TSPAN11: variants seen among roughly 807,000 people sequenced by gnomAD.
TSPAN11 encodes tetraspanin-11.
Under a neutral mutation model 32.9 loss-of-function variants are expected in TSPAN11, and 29 were observed. That is an observed-to-expected ratio of 0.88 (90% CI 0.66 to 1.20). TSPAN11 has a LOEUF of 1.20. TSPAN11 is among the 50% of genes most tolerant of loss of function. The pLI, the probability that TSPAN11 is intolerant of heterozygous loss-of-function variation, is 0.00. For synonymous variants in TSPAN11, 140 were observed against 141.3 expected (o/e 0.99, Z 0.07); for missense variants, 283 against 329.1 (o/e 0.86, Z 1.08).
intron 3 of TSPAN11, among the ~76,000 whole-genome samples, chr12:30,968,515 A>C (rs1938784083): frequency 6.6e-6 from 1 of 152,192 alleles, no homozygotes; most frequent in South Asian, 2.1e-4. Flanking sequence ...AATTATTCAC[A>C]CCAGATCTTT....
chr12:30,971,249 T>G (rs1169848590), intron 3 of TSPAN11, among the ~76,000 whole-genome samples: 10 of 152,240 alleles, frequency 6.6e-5, no homozygotes, highest in African/African-American at 2.4e-4. Flanking sequence ...AGAGGAATGC[T>G]TCAGTGAAGC....
chr12:30,990,353 A>C (rs1939287810), intron 7 of TSPAN11, among the ~76,000 whole-genome samples: 1 of 152,076 alleles, frequency 6.6e-6, no homozygotes, highest in South Asian at 2.1e-4. Flanking sequence ...TCCAGCACAA[A>C]CCTGTGCCGG....
chr12:30,979,246 CCT>C (rs1316832968), intron 4 of TSPAN11, among the ~76,000 whole-genome samples: 1 of 152,110 alleles, frequency 6.6e-6, no homozygotes, highest in African/African-American at 2.4e-5. Flanking sequence ...TTCAAAGCAC[CCT>C]GTGTCTGGCC....
At chr12:30,976,740 G>A (rs117269778) in intron 3 of TSPAN11, among the ~76,000 whole-genome samples, 3,684 of 152,274 alleles carry the variant, frequency 0.024, 70 homozygotes, top group Middle Eastern at 0.048. Flanking sequence ...CCTCTGTCCA[G>A]ACAACCTGTG....
At chr12:31,004,526 C>A in the TSPAN11 span, among the ~76,000 whole-genome samples, 1 of 152,138 alleles carries the variant, frequency 6.6e-6, no homozygotes, top group Non-Finnish European at 1.5e-5. Context: ...CTGGCAGGAA[C>A]AATCAGGGGC....
chr12:30,942,025 C>T (rs553956842), intron 1 of TSPAN11, among the ~76,000 whole-genome samples: 4 of 152,302 alleles, frequency 2.6e-5, no homozygotes, highest in Non-Finnish European at 5.9e-5. Flanking sequence ...CAGGGCCTTC[C>T]CTCACAACCA....
intron 7 of TSPAN11, among the ~76,000 whole-genome samples, chr12:30,984,420 G>C (rs1255650791): frequency 1.3e-5 from 2 of 152,204 alleles, no homozygotes; most frequent in Non-Finnish European, 2.9e-5. Flanking sequence ...ACATAGGAAG[G>C]CCTCCAGAAT....
At chr12:30,934,841 A>G (rs1234542505) in intron 1 of TSPAN11, among the ~76,000 whole-genome samples, 6 of 152,132 alleles carry the variant, frequency 3.9e-5, no homozygotes, top group African/African-American at 9.7e-5. Flanking sequence ...ACTGAGTCAC[A>G]GAGAGGGTCA....
At chr12:30,953,744 T>G (rs1418815968) in intron 1 of TSPAN11, among the ~76,000 whole-genome samples, 1 of 152,220 alleles carries the variant, frequency 6.6e-6, no homozygotes, top group Non-Finnish European at 1.5e-5. Flanking sequence ...TAGACCTTTG[T>G]CAAGAGGACA....
In TSPAN11 at chr12:30,959,990, G is replaced by A. The variant is rs537553494; in HGVS notation, c.85-3836G>A. ...GTGGGCGGAACAGGAGCCAGGAGCC[G>A]GGAGCCAACTGAGGTGGGGAACCGA... On this transcript the variant is annotated intron_variant, in intron 2 of 7. Coordinates refer to ENST00000546076, the MANE Select transcript of TSPAN11 (RefSeq NM_001370302.1). Among the ~76,000 whole-genome samples the A allele has an allele frequency of 4.0e-5, 6 of 150,048 alleles. No homozygotes were observed. In the East Asian group the frequency reaches 5.8e-4, roughly 15 times the overall value.
the TSPAN11 span, among the ~76,000 whole-genome samples, chr12:31,013,447 G>A: frequency 6.6e-6 from 1 of 152,038 alleles, no homozygotes; most frequent in African/African-American, 2.4e-5. Context: ...GCTGGGCATG[G>A]TGGCACAGGT....
Position 30,954,007 on chromosome 12 carries a change from A to C in TSPAN11, c.16A>C (p.Thr6Pro), listed in dbSNP as rs80046313. 0.015 allele frequency: 24,974 copies of C among 1,613,458 alleles called. 565 individuals are homozygous for C. The highest frequency in any genetic ancestry group is 0.088 in the East Asian group (3,952 of 44,852). MAHYK[T>P]EQDDWLIIYL... The stretch of plus-strand genomic sequence containing the variant: ...CCCAGAAGCCATGGCCCACTATAAG[A>C]CTGAGCAGGACGACTGGCTGATCAT... The change falls in exon 2 of 8, where the codon ACT becomes CCT. Residue 6 changes from threonine to proline, a missense_variant. Transcript: ENST00000546076.
intron 7 of TSPAN11, among the ~76,000 whole-genome samples, chr12:30,984,887 G>A (rs1352636265): frequency 6.6e-6 from 1 of 152,136 alleles, no homozygotes; most frequent in Non-Finnish European, 1.5e-5. Context: ...TCAGAAAGTT[G>A]AGACCCAGAG....
chr12:30,969,025 C>A (rs1479446960), intron 3 of TSPAN11, among the ~76,000 whole-genome samples: 1 of 152,188 alleles, frequency 6.6e-6, no homozygotes, highest in Non-Finnish European at 1.5e-5. Context: ...TCCTGGGAAG[C>A]AAGTCACCAC....
At chr12:30,978,735 C>G in intron 4 of TSPAN11, 100 bp downstream of exon 4, 1 of 1,245,474 alleles carries the variant, frequency 8.0e-7, no homozygotes, top group Non-Finnish European at 1.2e-6. Context: ...GAGGAAGGCA[C>G]AAGGGCGGTC....
chr12:30,969,131 A>G (rs1938796685), intron 3 of TSPAN11, among the ~76,000 whole-genome samples: 1 of 152,204 alleles, frequency 6.6e-6, no homozygotes. Context: ...ACCTAAATAA[A>G]TAAGAGTTAT....
rs200227003 is a variant in TSPAN11 at position 30,963,922 on chromosome 12, G to A, written c.181G>A (p.Ala61Thr). 9.4e-5 allele frequency: 152 copies of A among 1,613,846 alleles called. No individual in the cohort carries two copies. Among genetic ancestry groups the A allele is most frequent in the Admixed American group, 2.0e-4 (12 of 60,034 alleles). ...VLASSTFAAS[A>T]YILIFAGVLV... ...GGCCTCCAGCACCTTTGCCGCCTCC[G>A]CCTACATCCTCATCTTTGCGGGCGT... The change falls in exon 3 of 8, where the codon GCC becomes ACC. Residue 61 changes from alanine to threonine, a missense_variant. Transcript: ENST00000546076.
chr12:30,943,449 C>T (rs1428662889), intron 1 of TSPAN11, among the ~76,000 whole-genome samples: 4 of 152,184 alleles, frequency 2.6e-5, no homozygotes, highest in Non-Finnish European at 5.9e-5. Context: ...AATGCACATG[C>T]ATCACTTGGT....
At chr12:30,935,790 G>C (rs1938033596) in intron 1 of TSPAN11, among the ~76,000 whole-genome samples, 1 of 152,194 alleles carries the variant, frequency 6.6e-6, no homozygotes. Flanking sequence ...CGCTCCCCTA[G>C]CTGGGTCCAT....
Sources: gnomAD v4.1 joint callset for allele counts (sites outside exome capture counted in the v4.1 genomes callset) on GRCh38, gnomAD v4.1.1 for gene constraint, MANE v1.5 for transcripts, NCBI Gene and HGNC (gene_info 2026-07-23, HGNC 2026-07-21) for gene names.